Variants in SPATA13 observed in about 807,000 individuals in gnomAD.
SPATA13 encodes spermatogenesis-associated protein 13.
A neutral mutation model predicts 104.0 loss-of-function variants in SPATA13; 50 were observed. The ratio of observed to expected loss-of-function variants is 0.48; its 90% CI spans 0.38 to 0.61. The LOEUF is 0.61. Ranked by LOEUF, SPATA13 falls within the 20% of genes least tolerant of loss-of-function variation. The probability of loss-of-function intolerance (pLI) is 0.00; values close to 1 mark genes in which losing one functional copy is unlikely to be tolerated. For missense variants in SPATA13, 1,524 were observed against 1,690.6 expected (o/e 0.90, Z 1.73); for synonymous variants, 606 against 667.5 (o/e 0.91, Z 1.42).
At chr13:24,025,813 C>CTTTCTT (rs1287880520) in intron 3 of SPATA13, among the ~76,000 whole-genome samples, 1 of 146,556 alleles carries the variant, frequency 6.8e-6, no homozygotes, top group East Asian at 2.0e-4. Context: ...TTCTTTCTTT[C>CTTTCTT]TTTTTTTTTT....
chr13:24,173,363 TGTGTG>T (rs1332088993), intron 1 of SPATA13, among the ~76,000 whole-genome samples: 3 of 1,658 alleles, frequency 1.8e-3, no homozygotes, highest in East Asian at 0.25. Context: ...AGTTCTTAGT[TGTGTG>T]TGTGTGTGTG....
intron 3 of SPATA13, among the ~76,000 whole-genome samples, chr13:24,072,928 T>C (rs1400192714): frequency 6.6e-6 from 1 of 150,760 alleles, no homozygotes; most frequent in Non-Finnish European, 1.5e-5. Context: ...CCAGCCCATA[T>C]GTGAAAACCA....
At chr13:24,112,916 C>T (rs563846851) in intron 3 of SPATA13, among the ~76,000 whole-genome samples, 99 of 152,268 alleles carry the variant, frequency 6.5e-4, no homozygotes, top group African/African-American at 2.2e-3. Flanking sequence ...TTTCCTTGAG[C>T]GTTTTCTAGA....
chr13:23,999,060 G>C (rs1217203794), intron 2 of SPATA13, among the ~76,000 whole-genome samples: 2 of 151,788 alleles, frequency 1.3e-5, no homozygotes, highest in Admixed American at 1.3e-4. Flanking sequence ...CAAGTAGCTG[G>C]GATTACAGGC....
intron 3 of SPATA13, among the ~76,000 whole-genome samples, chr13:24,135,727 T>C (rs1339393827): frequency 6.6e-6 from 1 of 151,744 alleles, no homozygotes; most frequent in Non-Finnish European, 1.5e-5. Context: ...AAGAGTATTT[T>C]TAGATAGAGT....
chr13:24,208,429 A>G (rs371575123), intron 1 of SPATA13, among the ~76,000 whole-genome samples: 2 of 152,372 alleles, frequency 1.3e-5, no homozygotes, highest in African/African-American at 4.8e-5. Context: ...AGTGTAATTC[A>G]TAATCCCCAG....
At chr13:24,197,740 T>C (rs1319333902) in intron 1 of SPATA13, among the ~76,000 whole-genome samples, 1 of 152,196 alleles carries the variant, frequency 6.6e-6, no homozygotes, top group African/African-American at 2.4e-5. Context: ...TCCTTGGCCT[T>C]ATTTCCATGT....
rs550946110 is a variant in SPATA13 at position 24,027,584 on chromosome 13, C to A, written c.-112+9883C>A. ...TTTATTATTTCCTTTCTTCTACATT[C>A]TTGGGTTTTTTGAGTTGCTGTTTTT... On this transcript the variant is annotated intron_variant, in intron 3 of 14. Transcript: ENST00000424834. Among the ~76,000 whole-genome samples, 18 of 152,170 alleles carry A rather than the reference C, an allele frequency of 1.2e-4. No individual in the cohort carries two copies. The East Asian group carries it at 3.5e-3, about 29-fold the overall frequency.
In SPATA13 at chr13:24,234,563, G is replaced by T. The variant is rs76318976; in HGVS notation, c.1653+9981G>T. Among the ~76,000 whole-genome samples, 541 of 152,302 alleles carry T rather than the reference G, an allele frequency of 3.6e-3. 7 individuals carry two copies. The highest frequency in any genetic ancestry group is 0.013 in the African/African-American group (528 of 41,570). On this transcript the variant is annotated intron_variant, in intron 2 of 12. Transcript: ENST00000382108. ...GATGGTGATGATTAGAAGGAATGCC[G>T]TACGTTTTGTTGGTGGGGGCCAGAG...
intron 2 of SPATA13, among the ~76,000 whole-genome samples, chr13:24,242,750 C>G (rs1462731013): frequency 6.6e-6 from 1 of 152,158 alleles, no homozygotes; most frequent in African/African-American, 2.4e-5. Flanking sequence ...AAGGCTCAAA[C>G]TTATCTCTTT....
Position 24,049,350 on chromosome 13 carries a change from AC to A in SPATA13, c.-112+31650del, listed in dbSNP as rs140517973. Among the ~76,000 whole-genome samples, 38 of 152,332 alleles carry A rather than the reference AC, an allele frequency of 2.5e-4. 1 individual carries two copies. The East Asian group carries it at 7.1e-3, about 29-fold the overall frequency. On this transcript the variant is annotated intron_variant, in intron 3 of 14. Transcript: ENST00000424834. ...ACTTACCATTGTGTTACAGCTGCCT[AC>A]AGTACTCAGTACAGTAACGTGTGCA... is the stretch of plus-strand genomic sequence containing the variant.
chr13:24,080,545 A>G (rs1879478265), intron 3 of SPATA13, among the ~76,000 whole-genome samples: 1 of 152,234 alleles, frequency 6.6e-6, no homozygotes, highest in African/African-American at 2.4e-5. Context: ...GCAGGTGGGA[A>G]GTCAAGCCAG....
At chr13:24,182,359 C>T (rs188043125) in intron 1 of SPATA13, among the ~76,000 whole-genome samples, 243 of 152,248 alleles carry the variant, frequency 1.6e-3, no homozygotes, top group African/African-American at 5.6e-3. Context: ...TAAATTGGCT[C>T]ACGGTTCTGC....
At position 24,123,461 on chromosome 13, in the gene SPATA13, T is replaced by A. The variant is rs1881107485; in HGVS notation, c.-111-99358T>A. ...ATTCCATCTGATCGTTATAGATCTTTTTCTTCAGAAGTATTTCAGCGAAAG... is the reference window on the plus strand; with the variant it reads ...ATTCCATCTGATCGTTATAGATCTTATTCTTCAGAAGTATTTCAGCGAAAG... On this transcript the variant is annotated intron_variant, in intron 3 of 14. Transcript: ENST00000424834. The A allele has an allele frequency of 2.4e-5, 37 of 1,541,816 alleles. No individual in the cohort carries two copies. The South Asian group carries it at 3.8e-4, about 16-fold the overall frequency.
At chr13:24,119,796 G>A (rs921822444) in intron 3 of SPATA13, among the ~76,000 whole-genome samples, 3 of 152,190 alleles carry the variant, frequency 2.0e-5, no homozygotes, top group African/African-American at 7.2e-5. Flanking sequence ...GCTTCCCAAG[G>A]CCCAAGACCC....
At chr13:24,179,747 C>T (rs1489130810) in intron 1 of SPATA13, among the ~76,000 whole-genome samples, 2 of 152,176 alleles carry the variant, frequency 1.3e-5, no homozygotes, top group Admixed American at 6.5e-5. Flanking sequence ...ATTTGAGTTG[C>T]ATTTCTCTGA....
intron 1 of SPATA13, among the ~76,000 whole-genome samples, chr13:24,211,505 A>C (rs1871012462): frequency 6.6e-6 from 1 of 152,192 alleles, no homozygotes; most frequent in Non-Finnish European, 1.5e-5. Flanking sequence ...ATCTGTTGAG[A>C]TAGTCCTATG....
At chr13:24,203,315 G>A (rs1006888495) in intron 1 of SPATA13, among the ~76,000 whole-genome samples, 1 of 152,000 alleles carries the variant, frequency 6.6e-6, no homozygotes, top group South Asian at 2.1e-4. Flanking sequence ...TTACCCTGAC[G>A]GTAATTTAGG....
upstream of SPATA13, among the ~76,000 whole-genome samples, chr13:24,158,923 G>A (rs1882347752): frequency 6.6e-6 from 1 of 152,150 alleles, no homozygotes; most frequent in Non-Finnish European, 1.5e-5. Context: ...TCATCTGAGG[G>A]CCAGGCCTGT....
Sources: allele counts gnomAD v4.1 joint callset (sites outside exome capture counted in the v4.1 genomes callset), GRCh38; gene constraint gnomAD v4.1.1; transcripts MANE v1.5; gene names NCBI Gene and HGNC (gene_info 2026-07-23, HGNC 2026-07-21).